COPG1: variants seen among roughly 807,000 people sequenced by gnomAD.
COPG1 encodes coatomer subunit gamma-1.
Under a neutral mutation model 102.8 loss-of-function variants are expected in COPG1, and 29 were observed. The ratio of observed to expected loss-of-function variants is 0.28; its 90% CI spans 0.21 to 0.38. COPG1 has a LOEUF of 0.38. Among genes scored for constraint, COPG1 ranks in the 10% least tolerant of loss-of-function variants. The pLI, the probability that COPG1 is intolerant of heterozygous loss-of-function variation, is 1.00. For missense variants in COPG1, 875 were observed against 1,132.7 expected (o/e 0.77, Z 3.27); for synonymous variants, 406 against 421.6 (o/e 0.96, Z 0.45).
Position 129,252,962 on chromosome 3 carries a change from C to T in COPG1, c.323+7C>T. Reference sequence around the variant, plus strand: ...TCATCATTGTCACCAGCAGGCAAGTCATGGGGTTGTGGGTGGCTCTTCTGA... The same window carrying T: ...TCATCATTGTCACCAGCAGGCAAGTTATGGGGTTGTGGGTGGCTCTTCTGA... On this transcript the variant is annotated splice_region_variant and intron_variant, in intron 5 of 23. Transcript: ENST00000314797. 6.2e-7 allele frequency: 1 copy of T among 1,613,418 alleles called. No individual in the cohort carries two copies. The highest frequency in any genetic ancestry group is 1.3e-5 in the African/African-American group (1 of 75,036).
Position 129,268,613 on chromosome 3 carries a change from G to A in COPG1, c.1767G>A (p.Gln589=). ...TGGCCACGGCGCCCATGGCAGAGCA[G>A]AGAACAGGTAACACTTATACTCCTC... ...VPLATAPMAE[Q]RTESTPITAV... The change falls in exon 17 of 24, where the codon CAG becomes CAA. Residue 589 remains glutamine, a synonymous_variant. Coordinates refer to ENST00000314797, the MANE Select transcript of COPG1 (RefSeq NM_016128.4). The A allele has an allele frequency of 6.2e-7, 1 of 1,614,146 alleles. No individual in the cohort carries two copies. Among genetic ancestry groups the A allele is most frequent in the East Asian group, 2.2e-5 (1 of 44,884 alleles).
intron 15 of COPG1, 21 bp downstream of exon 15, chr3:129,267,120 C>T (rs775559235): frequency 6.3e-7 from 1 of 1,594,670 alleles, no homozygotes; most frequent in Non-Finnish European, 8.6e-7. Context: ...GCCCAGGGGC[C>T]CTAATGGGGA....
chr3:129,261,439 CAG>C (rs1415397064), intron 12 of COPG1, among the ~76,000 whole-genome samples: 1 of 152,136 alleles, frequency 6.6e-6, no homozygotes, highest in Non-Finnish European at 1.5e-5. Context: ...TCAGAATAGA[CAG>C]GGCTCAATCA....
chr3:129,265,592 G>A lies in COPG1; in HGVS notation c.1268G>A (p.Ser423Asn). The A allele has an allele frequency of 6.2e-7, 1 of 1,614,186 alleles. No homozygotes were observed. The highest frequency in any genetic ancestry group is 1.1e-5 in the South Asian group (1 of 91,080). Residue 423 changes from serine to asparagine, a missense_variant, in exon 14 of 24, where the codon AGC becomes AAC. By Grantham distance (46) the Ser-to-Asn change is conservative (BLOSUM62 1). Transcript: ENST00000314797. Reference sequence around the variant, plus strand: ...CGCGCTATCGTGGACTGCATCATCAGCATCATTGAAGAGAACTCAGAGAGC... The same window carrying A: ...CGCGCTATCGTGGACTGCATCATCAACATCATTGAAGAGAACTCAGAGAGC... ...YKRAIVDCII[S>N]IIEENSESKE...
At chr3:129,254,283 G>T in intron 5 of COPG1, 1 of 165,032 alleles carries the variant, frequency 6.1e-6, no homozygotes, top group Non-Finnish European at 1.3e-5. Context: ...GCGACAAAGC[G>T]AGACTCTGTC....
At position 129,265,764 on chromosome 3, in the gene COPG1, G is replaced by A; in HGVS notation, c.1440G>A (p.Val480=). The change falls in exon 14 of 24, where the codon GTG becomes GTA. Residue 480 remains valine (V), a synonymous_variant. Transcript: ENST00000314797. ...SKYIRFIYNR[V]VLEHEEVRAG... is the part of the protein sequence containing the mutation. Reference sequence around the variant, plus strand: ...ACATCCGCTTCATCTATAACCGAGTGGTCTTGGAGCATGAGGAGGTCCGGG... The same window carrying A: ...ACATCCGCTTCATCTATAACCGAGTAGTCTTGGAGCATGAGGAGGTCCGGG... 1.2e-6 allele frequency: 2 copies of A among 1,614,072 alleles called. No individual in the cohort carries two copies. Among genetic ancestry groups the A allele is most frequent in the South Asian group, 1.1e-5 (1 of 91,058 alleles).
At chr3:129,252,581 A>T in intron 3 of COPG1, 42 bp from the exon 4 acceptor site, 1 of 1,532,872 alleles carries the variant, frequency 6.5e-7, no homozygotes, top group Non-Finnish European at 9.0e-7. Flanking sequence ...CTGCTGTCTG[A>T]CCCTCTGTCC....
Position 129,252,327 on chromosome 3 carries a change from A to G in COPG1, c.137A>G (p.His46Arg). The G allele has an allele frequency of 1.9e-6, 3 of 1,613,370 alleles. No individual in the cohort carries two copies. The highest frequency in any genetic ancestry group is 1.3e-5 in the African/African-American group (1 of 75,026). Residue 46 changes from histidine (H) to arginine (R), a missense_variant, in exon 3 of 24, where the codon CAC (histidine) becomes CGC (arginine). By Grantham distance (29) the His-to-Arg change is conservative. Transcript: ENST00000314797. ...ETPINPRKCA[H>R]ILTKILYLIN... ...CCCATCAACCCTCGGAAATGTGCCCACATCCTCACCAAGATTCTTTATCTC... is the reference window on the plus strand; with the variant it reads ...CCCATCAACCCTCGGAAATGTGCCCGCATCCTCACCAAGATTCTTTATCTC...
chr3:129,269,073 T>C lies in COPG1; in HGVS notation c.1843+73T>C, dbSNP rs1940127660. Reference sequence around the variant, plus strand: ...TCAGGGGGTTCAAGAGTAAGAACTGTCATATATTGGTCTCTCCTGAGTGCT... The same window carrying C: ...TCAGGGGGTTCAAGAGTAAGAACTGCCATATATTGGTCTCTCCTGAGTGCT... On this transcript the variant is annotated intron_variant, in intron 18 of 23. Coordinates refer to ENST00000314797, the MANE Select transcript of COPG1 (RefSeq NM_016128.4). The C allele has an allele frequency of 1.1e-5, 14 of 1,311,302 alleles. No homozygotes were observed. The East Asian group carries it at 1.2e-4, about 11-fold the overall frequency. 81.2% of individuals were successfully genotyped at this position (1,311,302 alleles called of 1,614,324 possible).
At position 129,277,357 on chromosome 3, in the gene COPG1, C is replaced by T; in HGVS notation, c.2558C>T (p.Thr853Ile). 6.2e-7 allele frequency: 1 copy of T among 1,614,014 alleles called. No individual in the cohort carries two copies. Among genetic ancestry groups the T allele is most frequent in the Non-Finnish European group, 8.5e-7 (1 of 1,179,974 alleles). The change falls in exon 24 of 24, where the codon ACA (threonine) becomes ATA (isoleucine). Residue 853 changes from threonine (T) to isoleucine (I), a missense_variant. Coordinates refer to ENST00000314797, the MANE Select transcript of COPG1 (RefSeq NM_016128.4). ...CGGCTGCTGCTTTTGGACACAGTGA[C>T]AATGCAGGTGACAGCCAGAAGTTTG... ...RSRLLLLDTV[T>I]MQVTARSLEE...
chr3:129,260,986 G>A (rs1347367897), intron 12 of COPG1, among the ~76,000 whole-genome samples, 179 bp downstream of exon 12: 1 of 152,204 alleles, frequency 6.6e-6, no homozygotes, highest in African/African-American at 2.4e-5. Context: ...GCGTAGTCCT[G>A]CCTCCAGGCC....
chr3:129,259,669 C>A (rs955142995), intron 10 of COPG1, among the ~76,000 whole-genome samples: 1 of 152,042 alleles, frequency 6.6e-6, no homozygotes, highest in Non-Finnish European at 1.5e-5. Context: ...CATAGATATT[C>A]CAGAAAACAG....
rs143802473 is a variant in COPG1, at chr3:129,263,035, AGAGTCCTTCTG to A, written c.1129-865_1129-855del. Among the ~76,000 whole-genome samples the A allele has an allele frequency of 7.9e-3, 976 of 124,246 alleles. 30 individuals carry two copies. The highest frequency in any genetic ancestry group is 0.039 in the African/African-American group (910 of 23,522). The allele number at this position is 124,246 out of a possible 152,430, so 81.5% of individuals were successfully genotyped here. A position where few individuals can be genotyped will look rare whatever the true frequency, so the allele number is the denominator to read the frequency against. ...GTCTCAAAAAAAAAAAAAAAAAAAA[AGAGTCCTTCTG>A]GAGCAGAGTGGAGGGGTGACTGGGT... On this transcript the variant is annotated intron_variant, in intron 12 of 23. Coordinates refer to ENST00000314797, the MANE Select transcript of COPG1 (RefSeq NM_016128.4).
At position 129,257,458 on chromosome 3, in the gene COPG1, C is replaced by T; in HGVS notation, c.580-12C>T. 1 of 1,614,114 alleles carries T rather than the reference C, an allele frequency of 6.2e-7. No homozygotes were observed. Among genetic ancestry groups the T allele is most frequent in the South Asian group, 1.1e-5 (1 of 91,086 alleles). On this transcript the variant is annotated splice_polypyrimidine_tract_variant and intron_variant, in intron 8 of 23. Transcript: ENST00000314797. ...ATACATTTGTACTCTGTTGCTGTCT[C>T]CTGTCCTATAGTACCACGCACTAGG...
In COPG1 at chr3:129,255,942, A is replaced by G. The variant is rs1255599498; in HGVS notation, c.493-126A>G. 125 of 721,310 alleles carry G rather than the reference A, an allele frequency of 1.7e-4. No individual in the cohort carries two copies. In the East Asian group the frequency reaches 3.3e-3, roughly 19 times the overall value. 44.7% of individuals were successfully genotyped at this position (721,310 alleles called of 1,614,324 possible). A position where few individuals can be genotyped will look rare whatever the true frequency, so the allele number is the denominator to read the frequency against. ...GGGTGGGAGCATCCTGAGTTTGTCC[A>G]TGGTCTCTGAGGACCAGGACAGTGG... On this transcript the variant is annotated intron_variant, in intron 7 of 23. Transcript: ENST00000314797.
At chr3:129,251,696 T>G (rs557993966) in intron 2 of COPG1, among the ~76,000 whole-genome samples, 1 of 150,978 alleles carries the variant, frequency 6.6e-6, no homozygotes, top group South Asian at 2.1e-4. Context: ...ACTTCTCTTT[T>G]TTTTTTTGAG....
intron 10 of COPG1, among the ~76,000 whole-genome samples, chr3:129,258,574 G>A (rs1939862411): frequency 1.3e-5 from 2 of 152,100 alleles, no homozygotes; most frequent in South Asian, 2.1e-4. Context: ...TCTCCTGCCT[G>A]AGCCTCCCGA....
In COPG1 at chr3:129,275,406, A is replaced by C; in HGVS notation, c.2494+114A>C. 1.4e-6 allele frequency: 1 copy of C among 735,656 alleles called. No homozygotes were observed. Among genetic ancestry groups the C allele is most frequent in the Non-Finnish European group, 2.3e-6 (1 of 440,228 alleles). 45.6% of individuals were successfully genotyped at this position (735,656 alleles called of 1,614,324 possible). ...GGGGAGTCAAAATTCACAGCATTTAAAATTCACAAAGTATAAAATAATCTG... is the reference window on the plus strand; with the variant it reads ...GGGGAGTCAAAATTCACAGCATTTACAATTCACAAAGTATAAAATAATCTG... On this transcript the variant is annotated intron_variant, in intron 23 of 23. Transcript: ENST00000314797. This position sits in a 1 kb window ranked among gnomAD's most constrained non-coding sequence, Gnocchi z 5.0.
Position 129,252,616 on chromosome 3 carries a change from A to C in COPG1, c.172-7A>C, listed in dbSNP as rs1939722973. The C allele has an allele frequency of 1.2e-6, 2 of 1,612,956 alleles. No individual in the cohort carries two copies. The highest frequency in any genetic ancestry group is 2.7e-5 in the African/African-American group (2 of 75,020). ...CCAAGCTGAGACTTCTTTCTTGATT[A>C]ACACAGGGGGAGCACCTGGGGACCA... is the stretch of plus-strand genomic sequence containing the variant. On this transcript the variant is annotated splice_region_variant and splice_polypyrimidine_tract_variant and intron_variant, in intron 3 of 23. Transcript: ENST00000314797.
Sources: gnomAD v4.1 joint callset for allele counts (sites outside exome capture counted in the v4.1 genomes callset) on GRCh38, gnomAD v4.1.1 for gene constraint, Gnocchi (gnomAD v3.1) non-coding constraint, MANE v1.5 for transcripts, NCBI Gene and HGNC (gene_info 2026-07-23, HGNC 2026-07-21) for gene names.